Variants in PPARG observed in about 807,000 individuals in gnomAD.
The protein encoded by PPARG is peroxisome proliferator activated receptor gamma.
PPARG carries 17 observed loss-of-function variants against 39.2 expected under a neutral mutation model. The ratio of observed to expected loss-of-function variants is 0.43; its 90% CI spans 0.30 to 0.65. PPARG has a LOEUF of 0.65. Ranked by LOEUF, PPARG falls within the 30% of genes least tolerant of loss-of-function variation. PPARG has a pLI of 0.13. For synonymous variants in PPARG, 223 were observed against 215.7 expected, an observed-to-expected ratio of 1.03 and a Z score of -0.30; for missense variants, 406 against 585.9, an observed-to-expected ratio of 0.69 and a Z score of 3.17.
intron 2 of PPARG, among the ~76,000 whole-genome samples, chr3:12,329,206 C>A (rs1027348179): frequency 6.7e-6 from 1 of 149,284 alleles, no homozygotes; most frequent in Non-Finnish European, 1.5e-5. Context: ...TGTAATAGTG[C>A]TCTCACTTTT....
At chr3:12,365,006 A>G (rs1319503632) in intron 2 of PPARG, among the ~76,000 whole-genome samples, 3 of 152,162 alleles carry the variant, frequency 2.0e-5, no homozygotes, top group African/African-American at 7.2e-5. Flanking sequence ...CAGTTTTTCC[A>G]TGGACTGGGG....
At chr3:12,401,954 G>A (rs2050491419) in intron 5 of PPARG, among the ~76,000 whole-genome samples, 1 of 152,136 alleles carries the variant, frequency 6.6e-6, no homozygotes, top group Non-Finnish European at 1.5e-5. Context: ...GTTTTTCGGG[G>A]TATTTTTTGG....
At chr3:12,387,915 A>G (rs1384403048) in intron 4 of PPARG, among the ~76,000 whole-genome samples, 2 of 152,164 alleles carry the variant, frequency 1.3e-5, no homozygotes, top group Non-Finnish European at 2.9e-5. Context: ...GAAGGGATCA[A>G]TAATTCTCTT....
At chr3:12,425,862 C>T (rs1020595556) in intron 7 of PPARG, among the ~76,000 whole-genome samples, 2 of 152,136 alleles carry the variant, frequency 1.3e-5, no homozygotes, top group Non-Finnish European at 2.9e-5. Context: ...AAGGGCTTTC[C>T]GGGGTCGGAC....
chr3:12,350,366 G>A (rs1032787360), intron 2 of PPARG, among the ~76,000 whole-genome samples: 37 of 152,188 alleles, frequency 2.4e-4, no homozygotes, highest in African/African-American at 6.8e-4. Flanking sequence ...CACCATGATT[G>A]ACAGGGACAC....
intron 2 of PPARG, among the ~76,000 whole-genome samples, chr3:12,327,659 C>T (rs189625445): frequency 7.2e-5 from 11 of 152,258 alleles, no homozygotes; most frequent in African/African-American, 2.4e-4. Context: ...AGATGGAGAA[C>T]CCCTCCTCCA....
At chr3:12,397,150 T>C (rs1441276769) in intron 5 of PPARG, among the ~76,000 whole-genome samples, 1 of 151,948 alleles carries the variant, frequency 6.6e-6, no homozygotes, top group African/African-American at 2.4e-5. Context: ...TGTCTTATTA[T>C]ATAAATGAGA....
intron 2 of PPARG, chr3:12,351,518 T>C: frequency 8.6e-7 from 1 of 1,163,220 alleles, no homozygotes; most frequent in South Asian, 1.2e-5. Context: ...TCTTTTTCTT[T>C]TAACGGATTG....
intron 2 of PPARG, among the ~76,000 whole-genome samples, chr3:12,372,579 A>C (rs992098554): frequency 6.6e-6 from 1 of 152,186 alleles, no homozygotes; most frequent in Non-Finnish European, 1.5e-5. Flanking sequence ...AATATGAAGA[A>C]GATGTAACAT....
At chr3:12,331,610 G>A (rs763052054) in intron 2 of PPARG, among the ~76,000 whole-genome samples, 4 of 152,328 alleles carry the variant, frequency 2.6e-5, no homozygotes, top group East Asian at 1.9e-4. Flanking sequence ...CAGACAGGAC[G>A]CCAGGTGGGA....
At chr3:12,296,521 A>T (rs1006880941) in intron 1 of PPARG, among the ~76,000 whole-genome samples, 5 of 152,164 alleles carry the variant, frequency 3.3e-5, no homozygotes, top group African/African-American at 1.2e-4. Context: ...GATGATTTCT[A>T]GTAAGCCTTA....
At chr3:12,351,282 A>T (rs1178287881) in intron 2 of PPARG, among the ~76,000 whole-genome samples, 1 of 152,228 alleles carries the variant, frequency 6.6e-6, no homozygotes, top group South Asian at 2.1e-4. Context: ...GACACTGAAC[A>T]TGTGGGTCAC....
intron 2 of PPARG, among the ~76,000 whole-genome samples, chr3:12,359,784 C>T (rs1289360152): frequency 6.6e-6 from 1 of 151,110 alleles, no homozygotes; most frequent in Non-Finnish European, 1.5e-5. Flanking sequence ...ACACAATCCT[C>T]CTGCCTCAGC....
At chr3:12,375,160 G>A (rs2049362475) in intron 2 of PPARG, among the ~76,000 whole-genome samples, 1 of 152,122 alleles carries the variant, frequency 6.6e-6, no homozygotes, top group South Asian at 2.1e-4. Flanking sequence ...GCTGAGCCAG[G>A]AGGACCACTT....
At chr3:12,300,541 A>G (rs988183523) in intron 1 of PPARG, among the ~76,000 whole-genome samples, 4 of 151,132 alleles carry the variant, frequency 2.6e-5, no homozygotes, top group African/African-American at 9.7e-5. Context: ...TCTTTGTCCT[A>G]TAACTTGTGT....
At chr3:12,329,898 T>G (rs1004965926) in intron 2 of PPARG, among the ~76,000 whole-genome samples, 5 of 152,232 alleles carry the variant, frequency 3.3e-5, no homozygotes, top group Non-Finnish European at 1.5e-5. Context: ...ATATTTGTCC[T>G]TTTTGTATGG....
intron 2 of PPARG, among the ~76,000 whole-genome samples, chr3:12,370,714 A>G (rs1200259927): frequency 6.6e-6 from 1 of 152,194 alleles, no homozygotes; most frequent in Admixed American, 6.5e-5. Flanking sequence ...AACCTATTTA[A>G]CCTTGCTTAA....
At chr3:12,402,934 C>T (rs760540586) in intron 5 of PPARG, among the ~76,000 whole-genome samples, 2 of 152,142 alleles carry the variant, frequency 1.3e-5, no homozygotes, top group African/African-American at 4.8e-5. Flanking sequence ...TACACATACC[C>T]TCCTGTATAC....
At chr3:12,418,027 T>C (rs2051138043) in intron 7 of PPARG, among the ~76,000 whole-genome samples, 1 of 150,836 alleles carries the variant, frequency 6.6e-6, no homozygotes, top group African/African-American at 2.4e-5. Flanking sequence ...ATCATGCTAC[T>C]TCATAAAAGT....
Sources: allele counts gnomAD v4.1 joint callset (sites outside exome capture counted in the v4.1 genomes callset), GRCh38; gene constraint gnomAD v4.1.1; transcripts MANE v1.5; gene names NCBI Gene and HGNC (gene_info 2026-07-23, HGNC 2026-07-21).